Variants in TBC1D8 observed in about 807,000 individuals in gnomAD.
The protein encoded by TBC1D8 is BUB2-like protein 1.
A neutral mutation model predicts 118.8 loss-of-function variants in TBC1D8; 65 were observed. The observed-to-expected ratio is 0.55, with a 90% confidence interval of 0.45 to 0.67. The LOEUF (loss-of-function observed/expected upper bound fraction) is 0.67. TBC1D8 is among the 30% of genes least tolerant of loss of function. The pLI is 0.00. For missense variants in TBC1D8, 1,376 were observed against 1,471.2 expected, an observed-to-expected ratio of 0.94 and a Z score of 1.06; for synonymous variants, 566 against 595.8, an observed-to-expected ratio of 0.95 and a Z score of 0.73.
rs1233996136 is a variant in TBC1D8, at chr2:101,022,536, G to C, written c.2521-15C>G. ...ATATGTTCTCTCTTCAAACAAGAGG[G>C]GGAAAGGGAGTTCTTACCACTTATT... On this transcript the variant is annotated splice_polypyrimidine_tract_variant and intron_variant, in intron 15 of 19. Coordinates refer to ENST00000409318, the MANE Select transcript of TBC1D8 (RefSeq NM_001330348.2). 1 of 1,584,986 alleles carries C rather than the reference G, an allele frequency of 6.3e-7. No individual in the cohort carries two copies. Among genetic ancestry groups the C allele is most frequent in the Non-Finnish European group, 8.5e-7 (1 of 1,173,140 alleles).
chr2:101,033,060 G>A (rs1018143376), intron 10 of TBC1D8: 1 of 247,986 alleles, frequency 4.0e-6, no homozygotes, highest in African/African-American at 2.2e-5. Context: ...GTTGAAGACT[G>A]AATCTGCCCT....
chr2:101,057,191 C>T (rs1306034471), intron 3 of TBC1D8, among the ~76,000 whole-genome samples: 1 of 152,142 alleles, frequency 6.6e-6, no homozygotes, highest in African/African-American at 2.4e-5. Context: ...AAAACAGGAC[C>T]TGTTTTTAAA....
At chr2:101,056,692 G>C (rs532439993) in intron 3 of TBC1D8, among the ~76,000 whole-genome samples, 1 of 152,102 alleles carries the variant, frequency 6.6e-6, no homozygotes, top group Admixed American at 6.5e-5. Flanking sequence ...CCTTGCCCTG[G>C]AAGTGAGGCG....
At chr2:101,072,653 C>A (rs1674528395) in intron 2 of TBC1D8, among the ~76,000 whole-genome samples, 1 of 152,176 alleles carries the variant, frequency 6.6e-6, no homozygotes, top group African/African-American at 2.4e-5. Flanking sequence ...AGATGCCTCG[C>A]ATGCACAGTT....
rs201344305 is a variant in TBC1D8, at chr2:101,097,554, A to AT, written c.128-7191dup. 2.2e-3 allele frequency among the ~76,000 whole-genome samples: 253 copies of AT among 115,586 alleles called. 3 individuals are homozygous for AT. Among genetic ancestry groups the AT allele is most frequent in the East Asian group, 6.5e-3 (20 of 3,062 alleles). The allele number at this position is 115,586 out of a possible 152,430, so 75.8% of individuals were successfully genotyped here. On this transcript the variant is annotated intron_variant, in intron 1 of 19. Transcript: ENST00000409318. ...AGAGAAGACTTGGAAATACTCTGTTATTTAAAAAAAAAAAATGCACCTGCA... is the reference window on the plus strand; with the variant it reads ...AGAGAAGACTTGGAAATACTCTGTTATTTTAAAAAAAAAAAATGCACCTGCA...
intron 1 of TBC1D8, among the ~76,000 whole-genome samples, chr2:101,150,433 T>A (rs1679505434): frequency 1.3e-5 from 2 of 152,324 alleles, no homozygotes; most frequent in Non-Finnish European, 2.9e-5. Context: ...TGGCGTCAAT[T>A]TCAAAGAGCT....
At position 101,057,289 on chromosome 2, in the gene TBC1D8, G is replaced by A. The variant is rs1270430398; in HGVS notation, c.402+2132C>T. On this transcript the variant is annotated intron_variant, in intron 3 of 19. Transcript: ENST00000409318. ...CAGAAACAGCTCTTGACCCTCCCAA[G>A]TCCAGAAACAGCCCTGAGAGGAATC... Among the ~76,000 whole-genome samples the A allele has an allele frequency of 2.0e-5, 3 of 152,140 alleles. No individual in the cohort carries two copies. In the South Asian group the frequency reaches 6.2e-4, roughly 31 times the overall value.
chr2:101,063,767 A>C (rs1682883852), intron 2 of TBC1D8, among the ~76,000 whole-genome samples: 1 of 152,154 alleles, frequency 6.6e-6, no homozygotes, highest in Non-Finnish European at 1.5e-5. Context: ...TTTTCAAAAA[A>C]AAAAATAGAA....
chr2:101,085,652 C>A (rs1034269070), intron 2 of TBC1D8, among the ~76,000 whole-genome samples: 1 of 152,142 alleles, frequency 6.6e-6, no homozygotes, highest in Non-Finnish European at 1.5e-5. Context: ...GATGAGAACG[C>A]AAGGTTCCAA....
Position 101,029,499 on chromosome 2 carries a change from G to A in TBC1D8, c.2214C>T (p.Ile738=), listed in dbSNP as rs755697015. The stretch of plus-strand genomic sequence containing the variant: ...GGTGCAGCGGGGCCCACCTGCTGAG[G>A]ATCATCAAGGCCTGGCCATCATCCT... The part of the protein sequence containing the change: ...SSKDDGQALM[I]LSRFLDHIKN... The change falls in exon 12 of 20, where the codon ATC becomes ATT. Residue 738 remains isoleucine, a synonymous_variant. Transcript: ENST00000409318. 1.2e-6 allele frequency: 2 copies of A among 1,611,752 alleles called. No homozygotes were observed. Among genetic ancestry groups the A allele is most frequent in the Non-Finnish European group, 1.7e-6 (2 of 1,178,248 alleles).
At chr2:101,036,583 G>C (rs1021695508) in intron 8 of TBC1D8, among the ~76,000 whole-genome samples, 4 of 152,242 alleles carry the variant, frequency 2.6e-5, no homozygotes, top group Non-Finnish European at 4.4e-5. Context: ...AGAGGGCAAA[G>C]GGGAGTACAG....
At chr2:101,033,841 ACC>A in intron 9 of TBC1D8, 83 bp from the exon 10 acceptor site, 1 of 1,468,122 alleles carries the variant, frequency 6.8e-7, no homozygotes, top group Non-Finnish European at 9.2e-7. Context: ...CCATCAGGGG[ACC>A]CCAGTGGGGT....
chr2:101,067,178 C>T (rs2105432228), intron 2 of TBC1D8, among the ~76,000 whole-genome samples: 1 of 152,220 alleles, frequency 6.6e-6, no homozygotes, highest in South Asian at 2.1e-4. Flanking sequence ...ATGCACCTTG[C>T]TAAATCTAAA....
chr2:101,069,217 C>T (rs975623281), intron 2 of TBC1D8, among the ~76,000 whole-genome samples: 5 of 150,090 alleles, frequency 3.3e-5, no homozygotes, highest in East Asian at 2.0e-4. Context: ...CCCTTGAATC[C>T]GGAAGGCGGA....
At chr2:101,016,815 A>G (rs1248686753) in intron 17 of TBC1D8, among the ~76,000 whole-genome samples, 1 of 152,134 alleles carries the variant, frequency 6.6e-6, no homozygotes, top group Non-Finnish European at 1.5e-5. Flanking sequence ...TCAGTAAACT[A>G]TCACAAGGAC....
In TBC1D8 at chr2:101,033,083, C is replaced by T. The variant is rs190892883; in HGVS notation, c.1818+461G>A. ...CTGAATCTGCCCTGCCACCAACAAC[C>T]ACTACACATGCACGTTTCTCTTTTC... is the stretch of plus-strand genomic sequence containing the variant. On this transcript the variant is annotated intron_variant, in intron 10 of 19. Coordinates refer to ENST00000409318, the MANE Select transcript of TBC1D8 (RefSeq NM_001330348.2). The T allele has an allele frequency of 1.3e-3, 341 of 268,662 alleles. 3 individuals carry two copies. The highest frequency in any genetic ancestry group is 7.2e-3 in the African/African-American group (331 of 45,656). The allele number at this position is 268,662 out of a possible 1,614,324, so 16.6% of individuals were successfully genotyped here. A position where few individuals can be genotyped will look rare whatever the true frequency, so the allele number is the denominator to read the frequency against.
chr2:101,141,725 A>G lies in TBC1D8; in HGVS notation c.127+9402T>C, dbSNP rs942178900. ...ACAATGTGAGTTCAAAAAACCTACAATGAAAATAAAAAGCCTGACTTTAAA... is the reference window on the plus strand; with the variant it reads ...ACAATGTGAGTTCAAAAAACCTACAGTGAAAATAAAAAGCCTGACTTTAAA... On this transcript the variant is annotated intron_variant, in intron 1 of 19. Transcript: ENST00000409318. Among the ~76,000 whole-genome samples the G allele has an allele frequency of 2.6e-5, 4 of 152,210 alleles. No homozygotes were observed. The East Asian group carries it at 5.8e-4, about 22-fold the overall frequency.
chr2:101,048,410 A>AC (rs1332409044), intron 5 of TBC1D8, among the ~76,000 whole-genome samples: 1 of 152,156 alleles, frequency 6.6e-6, no homozygotes, highest in Non-Finnish European at 1.5e-5. Flanking sequence ...CCCAAAGGAC[A>AC]CTGCCCCAAG....
At chr2:101,135,008 C>T (rs1231265899) in intron 1 of TBC1D8, among the ~76,000 whole-genome samples, 1 of 152,102 alleles carries the variant, frequency 6.6e-6, no homozygotes, top group Non-Finnish European at 1.5e-5. Flanking sequence ...CCCGTCTCTA[C>T]TAAAAATACA....
Sources: allele counts gnomAD v4.1 joint callset (sites outside exome capture counted in the v4.1 genomes callset), GRCh38; gene constraint gnomAD v4.1.1; transcripts MANE v1.5; gene names NCBI Gene and HGNC (gene_info 2026-07-23, HGNC 2026-07-21).